Variants in PTPRG observed in about 807,000 individuals in gnomAD.
PTPRG encodes protein tyrosine phosphatase receptor type G, also known as receptor-type tyrosine-protein phosphatase gamma.
A neutral mutation model predicts 165.3 loss-of-function variants in PTPRG; 102 were observed. The ratio of observed to expected loss-of-function variants is 0.62; its 90% confidence interval spans 0.53 to 0.73. The LOEUF is 0.73. Ranked by LOEUF, PTPRG falls within the 30% of genes least tolerant of loss-of-function variation. PTPRG has a pLI of 0.00. For missense variants in PTPRG, 1,866 were observed against 1,861.4 expected, an observed-to-expected ratio of 1.00 and a Z score of -0.05; for synonymous variants, 675 against 669.5, an observed-to-expected ratio of 1.01 and a Z score of -0.13.
At chr3:61,855,436 C>G (rs964452032) in intron 2 of PTPRG, among the ~76,000 whole-genome samples, 1 of 152,094 alleles carries the variant, frequency 6.6e-6, no homozygotes, top group East Asian at 1.9e-4. Flanking sequence ...GGATTCTTGC[C>G]CAAGTCTGGT....
chr3:61,992,806 G>A (rs2040929414), intron 3 of PTPRG, among the ~76,000 whole-genome samples: 2 of 151,760 alleles, frequency 1.3e-5, no homozygotes, highest in South Asian at 4.2e-4. Context: ...ACAGGCGTGA[G>A]CCACCGTGCC....
chr3:61,879,487 A>T (rs1167347046), intron 2 of PTPRG, among the ~76,000 whole-genome samples: 1 of 152,074 alleles, frequency 6.6e-6, no homozygotes, highest in Non-Finnish European at 1.5e-5. Context: ...TTTTAAACGA[A>T]ATTGTTTTCT....
At position 61,585,279 on chromosome 3, in the gene PTPRG, TCAAAAAAAAAAA is replaced by T. The variant is rs1249712873; in HGVS notation, c.85+22908_85+22919del. ...CTGGGCAACAGAGGGAGACCCTGTC[TCAAAAAAAAAAA>T]AAAAAAAGAAAAAGGAAGAAAAGAA... On this transcript the variant is annotated intron_variant, in intron 1 of 29. Coordinates refer to ENST00000474889, the MANE Select transcript of PTPRG (RefSeq NM_002841.4). Among the ~76,000 whole-genome samples, 4 of 88,946 alleles carry T rather than the reference TCAAAAAAAAAAA, an allele frequency of 4.5e-5. No individual in the cohort carries two copies. In the East Asian group the frequency reaches 1.2e-3, roughly 26 times the overall value. 58.4% of individuals were successfully genotyped at this position (88,946 alleles called of 152,430 possible).
chr3:61,845,360 G>A (rs1452374975), intron 2 of PTPRG, among the ~76,000 whole-genome samples: 2 of 152,164 alleles, frequency 1.3e-5, no homozygotes, highest in East Asian at 1.9e-4. Flanking sequence ...TTAACAGTGA[G>A]GACAATTAAA....
At position 62,296,014 on chromosome 3, in the gene PTPRG, T is replaced by G. The variant is rs1343503881; in HGVS notation, c.*2707T>G. The G allele has an allele frequency of 1.3e-5, 2 of 152,082 alleles. No individual in the cohort carries two copies. The highest frequency in any genetic ancestry group is 4.8e-5 in the African/African-American group (2 of 41,436). 9.4% of individuals were successfully genotyped at this position (152,082 alleles called of 1,614,324 possible). A position where few individuals can be genotyped will look rare whatever the true frequency, so the allele number is the denominator to read the frequency against. ...GTGCAACTTAATAAAATAAGCTGTT[T>G]GTGTATATGAATTTAGCTCTAGGTA... On this transcript the variant is annotated 3_prime_UTR_variant, in exon 30 of 30. Coordinates refer to ENST00000474889, the MANE Select transcript of PTPRG (RefSeq NM_002841.4).
chr3:61,967,375 T>C (rs541332826), intron 2 of PTPRG, among the ~76,000 whole-genome samples: 3 of 152,294 alleles, frequency 2.0e-5, no homozygotes, highest in Admixed American at 6.5e-5. Flanking sequence ...TTATTACTCA[T>C]TTTATCAGCA....
At chr3:62,206,576 C>G (rs1037054380) in intron 12 of PTPRG, among the ~76,000 whole-genome samples, 1 of 152,082 alleles carries the variant, frequency 6.6e-6, no homozygotes, top group African/African-American at 2.4e-5. Flanking sequence ...CCCCACAGCC[C>G]TTTCCTTTGC....
chr3:62,235,617 C>T (rs534892778), intron 14 of PTPRG, among the ~76,000 whole-genome samples: 1 of 152,276 alleles, frequency 6.6e-6, no homozygotes, highest in South Asian at 2.1e-4. Context: ...ATCATTTTCT[C>T]CCACCTTCCT....
At chr3:62,072,252 G>A (rs903176577) in intron 4 of PTPRG, among the ~76,000 whole-genome samples, 5 of 152,128 alleles carry the variant, frequency 3.3e-5, no homozygotes, top group African/African-American at 1.2e-4. Flanking sequence ...ACAGTATTGG[G>A]ATTCATGCAG....
chr3:62,230,223 C>T (rs1353734446), intron 13 of PTPRG, among the ~76,000 whole-genome samples: 1 of 152,166 alleles, frequency 6.6e-6, no homozygotes, highest in Non-Finnish European at 1.5e-5. Flanking sequence ...TTAATACAAT[C>T]ATTGAAAGCT....
intron 3 of PTPRG, among the ~76,000 whole-genome samples, chr3:61,995,682 GCCTTCCTT>G (rs781558844): frequency 0.061 from 4,396 of 72,406 alleles, 145 homozygotes; most frequent in Admixed American, 0.084. Context: ...CTGCCCGCCC[GCCTTCCTT>G]CCTTCCTTCC....
At chr3:61,632,234 GGGA>G in intron 1 of PTPRG, among the ~76,000 whole-genome samples, 1 of 152,110 alleles carries the variant, frequency 6.6e-6, no homozygotes, top group Middle Eastern at 3.2e-3. Context: ...CCTGAGCCTG[GGGA>G]GGTCAAGGCT....
At chr3:62,041,702 C>A (rs1209511060) in intron 4 of PTPRG, among the ~76,000 whole-genome samples, 1 of 152,074 alleles carries the variant, frequency 6.6e-6, no homozygotes, top group Non-Finnish European at 1.5e-5. Flanking sequence ...CCTGCAAAAT[C>A]TTCTATTAGA....
chr3:61,766,309 A>G (rs556887467), intron 2 of PTPRG, among the ~76,000 whole-genome samples: 11 of 152,212 alleles, frequency 7.2e-5, no homozygotes, highest in Non-Finnish European at 1.6e-4. Flanking sequence ...AAATGTTGGC[A>G]TTATTTTAAC....
intron 2 of PTPRG, among the ~76,000 whole-genome samples, chr3:61,952,145 A>G (rs969974121): frequency 3.4e-5 from 5 of 147,426 alleles, no homozygotes; most frequent in Admixed American, 1.3e-4. Flanking sequence ...AAAAAAAGAC[A>G]GTATCAGAAT....
At chr3:61,943,150 G>A (rs980584818) in intron 2 of PTPRG, among the ~76,000 whole-genome samples, 7 of 152,064 alleles carry the variant, frequency 4.6e-5, no homozygotes, top group Admixed American at 2.6e-4. Flanking sequence ...AAATCCTTAC[G>A]TGAAAAACAG....
chr3:62,188,015 T>G (rs1699707759), intron 8 of PTPRG, among the ~76,000 whole-genome samples: 4 of 152,146 alleles, frequency 2.6e-5, no homozygotes. Flanking sequence ...TTCAAGACAA[T>G]GACACTAAGC....
chr3:62,032,272 C>G (rs992498355), intron 4 of PTPRG, among the ~76,000 whole-genome samples: 1 of 152,166 alleles, frequency 6.6e-6, no homozygotes, highest in Non-Finnish European at 1.5e-5. Flanking sequence ...GCCACCTATT[C>G]CCTGAAAGTC....
intron 2 of PTPRG, among the ~76,000 whole-genome samples, chr3:61,772,835 A>G (rs889959292): frequency 6.6e-6 from 1 of 152,200 alleles, no homozygotes; most frequent in Non-Finnish European, 1.5e-5. Flanking sequence ...GATGGTCAAA[A>G]ATAGGGTTGC....
Sources: allele counts gnomAD v4.1 joint callset (sites outside exome capture counted in the v4.1 genomes callset), GRCh38; gene constraint gnomAD v4.1.1; transcripts MANE v1.5; gene names NCBI Gene and HGNC (gene_info 2026-07-23, HGNC 2026-07-21).